The following DGKI variants were observed in gnomAD, a reference collection of about 807,000 sequenced individuals.
DGKI encodes the protein DAG kinase iota.
In DGKI, 55 loss-of-function variants were observed where a neutral mutation model predicts 147.5. The ratio of observed to expected loss-of-function variants is 0.37; its 90% confidence interval spans 0.30 to 0.47. The LOEUF is 0.47. DGKI is among the 20% of genes least tolerant of loss of function. The probability of loss-of-function intolerance (pLI) is 1.00; values close to 1 mark genes in which losing one functional copy is unlikely to be tolerated. For synonymous variants in DGKI, 469 were observed against 477.1 expected, an observed-to-expected ratio of 0.98 and a Z score of 0.22; for missense variants, 1,007 against 1,323.8, an observed-to-expected ratio of 0.76 and a Z score of 3.71.
chr7:137,457,847 TA>T (rs1814266064), intron 27 of DGKI, among the ~76,000 whole-genome samples: 2 of 152,284 alleles, frequency 1.3e-5, no homozygotes, highest in African/African-American at 2.4e-5. Flanking sequence ...TTAATAAGCC[TA>T]TTTTTTTTCT....
At chr7:137,689,561 A>T (rs17169391) in intron 2 of DGKI, among the ~76,000 whole-genome samples, 2,940 of 152,324 alleles carry the variant, frequency 0.019, 98 homozygotes, top group African/African-American at 0.068. Context: ...TTAGATTGCG[A>T]GATGTTGCAC....
At chr7:137,759,340 T>C (rs1243958206) in intron 1 of DGKI, among the ~76,000 whole-genome samples, 3 of 152,124 alleles carry the variant, frequency 2.0e-5, no homozygotes, top group African/African-American at 2.4e-5. Flanking sequence ...CATTCTTTTT[T>C]TTTTTTCTTT....
chr7:137,638,689 CAG>C lies in DGKI; in HGVS notation c.804+6781_804+6782del, dbSNP rs1439683937. ...GTATATATACACACGTATGTACACA[CAG>C]ATACATATGTACGCACATAGATATA... is the stretch of plus-strand genomic sequence containing the variant. On this transcript the variant is annotated intron_variant, in intron 6 of 32. Coordinates refer to ENST00000614521, the MANE Select transcript of DGKI (RefSeq NM_001321708.2). 1.0e-3 allele frequency among the ~76,000 whole-genome samples: 139 copies of C among 137,856 alleles called. 8 individuals carry two copies. The highest frequency in any genetic ancestry group is 3.7e-3 in the African/African-American group (133 of 36,064). The allele number at this position is 137,856 out of a possible 152,430, so 90.4% of individuals were successfully genotyped here.
rs1563225553 is a variant in DGKI at position 137,846,526 on chromosome 7, CCTT to C, written c.334_336del (p.Lys112del). 3 of 1,570,028 alleles carry C rather than the reference CCTT, an allele frequency of 1.9e-6. No individual in the cohort carries two copies. Among genetic ancestry groups the C allele is most frequent in the South Asian group, 1.1e-5 (1 of 90,296 alleles). On this transcript the variant is annotated inframe_deletion, in exon 1 of 33. Coordinates refer to ENST00000614521, the MANE Select transcript of DGKI (RefSeq NM_001321708.2). The surrounding 1 kb of genome is among the most constrained non-coding windows in gnomAD (Gnocchi z 4.0). ...TTCTCCTCCAGCGCTTCGTCCTTCT[CCTT>C]CTGGCCGGCGGCCGCGGGCTCGTCC... is the stretch of plus-strand genomic sequence containing the variant.
In DGKI at chr7:137,382,959, CATT is replaced by C. The variant is rs1811093324; in HGVS notation, c.*8258_*8260del. 6.6e-6 allele frequency: 1 copy of C among 151,896 alleles called. No homozygotes were observed. Among genetic ancestry groups the C allele is most frequent in the Non-Finnish European group, 1.5e-5 (1 of 67,932 alleles). The allele number at this position is 151,896 out of a possible 1,614,324, so 9.4% of individuals were successfully genotyped here. ...CACCTAGACAGAAATATGACAGAAA[CATT>C]AGTCTACTGATATGGGGTTAAGTCT... On this transcript the variant is annotated 3_prime_UTR_variant, in exon 33 of 33. Coordinates refer to ENST00000614521, the MANE Select transcript of DGKI (RefSeq NM_001321708.2).
chr7:137,801,323 C>A (rs1797198197), intron 1 of DGKI, among the ~76,000 whole-genome samples: 1 of 151,672 alleles, frequency 6.6e-6, no homozygotes, highest in African/African-American at 2.4e-5. Flanking sequence ...TCATTAGCTA[C>A]TAGAAAGAGA....
intron 1 of DGKI, among the ~76,000 whole-genome samples, chr7:137,754,130 T>C (rs1366069814): frequency 6.6e-6 from 1 of 152,074 alleles, no homozygotes; most frequent in Admixed American, 6.5e-5. Context: ...CAGGGGCAGG[T>C]GCACTGCTGC....
intron 23 of DGKI, among the ~76,000 whole-genome samples, chr7:137,472,556 C>A (rs2128930094): frequency 6.7e-6 from 1 of 148,938 alleles, no homozygotes; most frequent in Non-Finnish European, 1.5e-5. Context: ...TAAGTAAAAT[C>A]TTGACATGTG....
intron 5 of DGKI, among the ~76,000 whole-genome samples, chr7:137,650,113 T>C (rs1821972509): frequency 6.6e-6 from 1 of 152,174 alleles, no homozygotes; most frequent in Admixed American, 6.5e-5. Context: ...TAATTAAGAA[T>C]ATCAAATGGG....
chr7:137,569,914 C>A (rs536998556), intron 19 of DGKI, among the ~76,000 whole-genome samples: 1 of 152,108 alleles, frequency 6.6e-6, no homozygotes, highest in African/African-American at 2.4e-5. Flanking sequence ...AACCCCAGTC[C>A]AATCTTTTCT....
intron 24 of DGKI, 45 bp from the exon 25 acceptor site, chr7:137,466,987 C>G: frequency 1.3e-6 from 2 of 1,593,596 alleles, no homozygotes; most frequent in South Asian, 2.2e-5. Flanking sequence ...GTTCTGTAAT[C>G]TGGCACCAAA....
At chr7:137,468,957 G>A (rs538199181) in intron 24 of DGKI, among the ~76,000 whole-genome samples, 3 of 152,120 alleles carry the variant, frequency 2.0e-5, no homozygotes, top group African/African-American at 4.8e-5. Context: ...ACTGCAATAC[G>A]GGTAATTGGA....
At chr7:137,686,230 A>C (rs1359445885) in intron 2 of DGKI, among the ~76,000 whole-genome samples, 1 of 152,222 alleles carries the variant, frequency 6.6e-6, no homozygotes, top group Admixed American at 6.5e-5. Flanking sequence ...AGATACATAG[A>C]ATCAGTTTGA....
chr7:137,572,823 G>C lies in DGKI; in HGVS notation c.1777C>G (p.Leu593Val). The C allele has an allele frequency of 6.2e-7, 1 of 1,611,498 alleles. No individual in the cohort carries two copies. ...TTCAGTTCCTGAATCTTTGGGGTGA[G>C]ATCTGTTCCATCACACTGAAACAAT... ...HVKVVCDGTDLTPKIQELKFQ... is the reference protein window; with the variant it reads ...HVKVVCDGTDVTPKIQELKFQ... Residue 593 changes from leucine to valine, a missense_variant, in exon 18 of 33, where the codon CTC becomes GTC. Physicochemically the swap from Leu to Val is conservative, Grantham distance 32 (BLOSUM62 1). This residue lies in a region of DGKI where 224 missense variants were observed against 382.7 expected (regional missense o/e 0.59). Transcript: ENST00000614521.
At chr7:137,396,508 C>CA (rs1299998103) in intron 31 of DGKI, among the ~76,000 whole-genome samples, 3 of 152,326 alleles carry the variant, frequency 2.0e-5, no homozygotes, top group East Asian at 3.9e-4. Flanking sequence ...TTAGAGAAGG[C>CA]AAAATGGGGT....
At chr7:137,528,501 T>C (rs1031723973) in intron 20 of DGKI, among the ~76,000 whole-genome samples, 4 of 152,212 alleles carry the variant, frequency 2.6e-5, no homozygotes, top group African/African-American at 9.6e-5. Context: ...CTGGAGAAAG[T>C]ACCTTCAGAG....
rs561475778 is a variant in DGKI at position 137,650,085 on chromosome 7, G to T, written c.739-4548C>A. Among the ~76,000 whole-genome samples, 8 of 152,180 alleles carry T rather than the reference G, an allele frequency of 5.3e-5. No individual in the cohort carries two copies. In the South Asian group the frequency reaches 1.5e-3, roughly 28 times the overall value. On this transcript the variant is annotated intron_variant, in intron 5 of 32. Coordinates refer to ENST00000614521, the MANE Select transcript of DGKI (RefSeq NM_001321708.2). ...TAAATAAACATCTGAATTAGTAGTA[G>T]TAAGAATTCTTAATTTTTAATTAAG...
chr7:137,682,305 G>A (rs371645162), intron 2 of DGKI, among the ~76,000 whole-genome samples: 20 of 152,108 alleles, frequency 1.3e-4, no homozygotes, highest in African/African-American at 3.6e-4. Context: ...TCAGGAACCC[G>A]TCTCCAGCTC....
intron 21 of DGKI, among the ~76,000 whole-genome samples, chr7:137,516,796 C>T (rs1186037901): frequency 6.6e-6 from 1 of 151,894 alleles, no homozygotes; most frequent in East Asian, 1.9e-4. Flanking sequence ...ACCATTTTGG[C>T]ATAGTTAACA....
Sources: gnomAD v4.1 joint callset for allele counts (sites outside exome capture counted in the v4.1 genomes callset) on GRCh38, gnomAD v4.1.1 for gene constraint, gnomAD v4.1.1 regional missense constraint, Gnocchi (gnomAD v3.1) non-coding constraint, MANE v1.5 for transcripts, NCBI Gene and HGNC (gene_info 2026-07-23, HGNC 2026-07-21) for gene names.